Variants in RNF111 observed in about 807,000 individuals in gnomAD.
The protein encoded by RNF111 is E3 ubiquitin-protein ligase Arkadia.
In RNF111, 17 loss-of-function variants were observed where a neutral mutation model predicts 95.1. That is an observed-to-expected ratio of 0.18 (90% CI 0.12 to 0.27). The LOEUF is 0.27. RNF111 is among the 10% of genes least tolerant of loss of function. The pLI, the probability that RNF111 is intolerant of heterozygous loss-of-function variation, is 1.00. For synonymous variants in RNF111, 440 were observed against 414.8 expected, an observed-to-expected ratio of 1.06 and a Z score of -0.74; for missense variants, 1,189 against 1,210.4, an observed-to-expected ratio of 0.98 and a Z score of 0.26.
intron 5 of RNF111, among the ~76,000 whole-genome samples, chr15:59,062,666 T>C (rs1403652753): frequency 6.6e-6 from 1 of 152,178 alleles, no homozygotes; most frequent in Non-Finnish European, 1.5e-5. Context: ...ATAATAACTC[T>C]GATTTTTACA....
intron 11 of RNF111, 31 bp downstream of exon 11, chr15:59,089,790 C>A: frequency 6.9e-7 from 1 of 1,439,700 alleles, no homozygotes; most frequent in South Asian, 1.1e-5. Context: ...ATATGTTTGT[C>A]ACAGTATCTT....
intron 3 of RNF111, among the ~76,000 whole-genome samples, chr15:59,053,937 T>C (rs1256688431): frequency 6.6e-6 from 1 of 152,170 alleles, no homozygotes; most frequent in Non-Finnish European, 1.5e-5. Context: ...TTTATTTTAC[T>C]TAATTATTTA....
At chr15:59,064,153 C>T (rs1234071274) in intron 5 of RNF111, among the ~76,000 whole-genome samples, 1 of 152,152 alleles carries the variant, frequency 6.6e-6, no homozygotes, top group East Asian at 1.9e-4. Flanking sequence ...TAACACTTGA[C>T]CAGGTTATTC....
intron 1 of RNF111, among the ~76,000 whole-genome samples, chr15:59,025,824 G>A (rs1405847033): frequency 1.9e-4 from 29 of 151,888 alleles, no homozygotes; most frequent in Admixed American, 1.6e-3. Flanking sequence ...GCTGCCTTGC[G>A]GATTCAAGCG....
intron 1 of RNF111, among the ~76,000 whole-genome samples, chr15:58,997,165 A>AG (rs1463348557): frequency 2.0e-5 from 3 of 152,140 alleles, no homozygotes; most frequent in Non-Finnish European, 4.4e-5. Context: ...GGGAAAAAAA[A>AG]CAAGGCTCCT....
intron 13 of RNF111, among the ~76,000 whole-genome samples, chr15:59,094,292 C>A (rs2079135682): frequency 1.3e-5 from 2 of 152,040 alleles, no homozygotes; most frequent in South Asian, 4.1e-4. Flanking sequence ...CACAATAAGA[C>A]ATTTTTTAGT....
chr15:59,045,210 CAG>C (rs1452472960), intron 2 of RNF111, among the ~76,000 whole-genome samples: 5 of 134,758 alleles, frequency 3.7e-5, no homozygotes, highest in Non-Finnish European at 6.3e-5. Flanking sequence ...TTTTTTGAGA[CAG>C]AGTTTTTGTT....
At position 59,025,887 on chromosome 15, in the gene RNF111, C is replaced by T. The variant is rs187232897; in HGVS notation, c.-19-4917C>T. Among the ~76,000 whole-genome samples the T allele has an allele frequency of 7.5e-4, 114 of 152,224 alleles. 1 individual carries two copies. The highest frequency in any genetic ancestry group is 3.4e-3 in the Middle Eastern group (1 of 294). On this transcript the variant is annotated intron_variant, in intron 1 of 13. Coordinates refer to ENST00000348370, the MANE Select transcript of RNF111 (RefSeq NM_017610.8). ...CTGGGATTACAGGCATGTGCCACCACGCCTGGCTAACTTTGCATTTTTGGT... is the reference window on the plus strand; with the variant it reads ...CTGGGATTACAGGCATGTGCCACCATGCCTGGCTAACTTTGCATTTTTGGT...
intron 7 of RNF111, among the ~76,000 whole-genome samples, chr15:59,079,626 A>G (rs1191395764): frequency 2.0e-5 from 3 of 151,824 alleles, no homozygotes; most frequent in African/African-American, 7.3e-5. Flanking sequence ...TTCCAATAAA[A>G]TGAAATTTGT....
intron 8 of RNF111, chr15:59,083,912 G>C (rs2078822059): frequency 7.0e-6 from 2 of 283,834 alleles, no homozygotes; most frequent in Non-Finnish European, 1.2e-5. Flanking sequence ...GGAAGCATTG[G>C]AATAAATGAG....
chr15:59,080,896 A>G (rs1043932971), intron 7 of RNF111, 40 bp from the exon 8 acceptor site: 4 of 1,459,064 alleles, frequency 2.7e-6, no homozygotes, highest in South Asian at 2.5e-5. Context: ...GTTCAACTGC[A>G]TGGTGCCTAT....
chr15:59,058,755 T>TA (rs1178229016), intron 5 of RNF111: 1 of 519,832 alleles, frequency 1.9e-6, no homozygotes, highest in Non-Finnish European at 3.4e-6. Context: ...ACCAGAGTAT[T>TA]ATAGCTCAAA....
At chr15:59,003,057 A>G (rs753801145) in intron 1 of RNF111, among the ~76,000 whole-genome samples, 1 of 152,168 alleles carries the variant, frequency 6.6e-6, no homozygotes, top group Non-Finnish European at 1.5e-5. Flanking sequence ...CACAGGTGCT[A>G]TTAAAGCTTA....
intron 1 of RNF111, among the ~76,000 whole-genome samples, chr15:58,989,864 A>G (rs1475689245): frequency 1.3e-5 from 2 of 148,156 alleles, no homozygotes; most frequent in Non-Finnish European, 3.0e-5. Context: ...AGATTTTTAG[A>G]TGTTTCCTTC....
At chr15:59,063,908 C>T (rs2142053233) in intron 5 of RNF111, among the ~76,000 whole-genome samples, 1 of 152,226 alleles carries the variant, frequency 6.6e-6, no homozygotes, top group Non-Finnish European at 1.5e-5. Flanking sequence ...CTTAGTATCC[C>T]AAAGGTTTTC....
At chr15:59,013,640 T>C (rs2039930895) in intron 1 of RNF111, among the ~76,000 whole-genome samples, 1 of 152,238 alleles carries the variant, frequency 6.6e-6, no homozygotes, top group Non-Finnish European at 1.5e-5. Context: ...TTCTCCACTA[T>C]AAAGTTACTC....
At position 59,094,807 on chromosome 15, in the gene RNF111, C is replaced by T. The variant is rs2079149770; in HGVS notation, c.2868C>T (p.Phe956=). ...DVRRLPCMHL[F]HQVCVDQWLI... ...GACGTCTTCCATGTATGCACCTTTT[C>T]CACCAAGTGTGTGTTGACCAATGGT... The change falls in exon 14 of 14, where the codon TTC becomes TTT. Residue 956 remains phenylalanine, a synonymous_variant. Transcript: ENST00000348370. The T allele has an allele frequency of 6.2e-7, 1 of 1,612,000 alleles. No homozygotes were observed. Among genetic ancestry groups the T allele is most frequent in the African/African-American group, 1.3e-5 (1 of 74,980 alleles).
At position 59,076,081 on chromosome 15, in the gene RNF111, A is replaced by G; in HGVS notation, c.1814A>G (p.Gln605Arg). 1 of 1,614,216 alleles carries G rather than the reference A, an allele frequency of 6.2e-7. No individual in the cohort carries two copies. Reference protein sequence around the residue: ...SSSRAAIFGHQAAAAAPSQPL... With the variant: ...SSSRAAIFGHRAAAAAPSQPL... ...TCCCGAGCTGCAATCTTTGGCCATCAGGCCGCTGCTGCTGCCCCAAGTCAA... is the reference window on the plus strand; with the variant it reads ...TCCCGAGCTGCAATCTTTGGCCATCGGGCCGCTGCTGCTGCCCCAAGTCAA... The change falls in exon 7 of 14, where the codon CAG becomes CGG. Residue 605 changes from glutamine (Q) to arginine (R), a missense_variant. Physicochemically the swap from Gln to Arg is conservative, Grantham distance 43. This residue lies in a region of RNF111 where 1,024 missense variants were observed against 925.9 expected (regional missense o/e 1.11). Coordinates refer to ENST00000348370, the MANE Select transcript of RNF111 (RefSeq NM_017610.8).
chr15:59,083,255 G>A (rs1289515656), intron 8 of RNF111, among the ~76,000 whole-genome samples: 1 of 152,126 alleles, frequency 6.6e-6, no homozygotes, highest in Non-Finnish European at 1.5e-5. Context: ...AAAATAAAGA[G>A]TATGAATGGA....
Sources: allele counts gnomAD v4.1 joint callset (sites outside exome capture counted in the v4.1 genomes callset), GRCh38; gene constraint gnomAD v4.1.1; regional missense constraint gnomAD v4.1.1; transcripts MANE v1.5; gene names NCBI Gene and HGNC (gene_info 2026-07-23, HGNC 2026-07-21).